The following ZFPM2 variants were observed in gnomAD, a reference collection of about 807,000 sequenced individuals.
ZFPM2 encodes zinc finger protein, FOG family member 2, also known as zinc finger protein ZFPM2.
In ZFPM2, 20 loss-of-function variants were observed where a neutral mutation model predicts 98.6. The observed-to-expected ratio is 0.20, with a 90% confidence interval of 0.14 to 0.29. The LOEUF (loss-of-function observed/expected upper bound fraction) is 0.29. Among genes scored for constraint, ZFPM2 ranks in the 10% least tolerant of loss-of-function variants. The pLI is 1.00. For missense variants in ZFPM2, 1,310 were observed against 1,388.6 expected, an observed-to-expected ratio of 0.94 and a Z score of 0.90; for synonymous variants, 518 against 502.7, an observed-to-expected ratio of 1.03 and a Z score of -0.41.
intron 1 of ZFPM2, among the ~76,000 whole-genome samples, chr8:105,353,744 C>T (rs1298037968): frequency 2.6e-5 from 4 of 152,246 alleles, no homozygotes; most frequent in African/African-American, 7.2e-5. Flanking sequence ...TTCATATTAA[C>T]GTTTATCATT....
At chr8:105,500,353 A>G (rs1255747251) in intron 3 of ZFPM2, among the ~76,000 whole-genome samples, 1 of 152,180 alleles carries the variant, frequency 6.6e-6, no homozygotes, top group East Asian at 1.9e-4. Flanking sequence ...TAAACAGAAT[A>G]GTTGAATGTC....
At chr8:105,376,909 T>C (rs996485294) in intron 1 of ZFPM2, among the ~76,000 whole-genome samples, 13 of 152,228 alleles carry the variant, frequency 8.5e-5, no homozygotes, top group Non-Finnish European at 1.3e-4. Flanking sequence ...CTTAAAACTT[T>C]TCAATTGCTT....
intron 3 of ZFPM2, among the ~76,000 whole-genome samples, chr8:105,460,498 C>T (rs1025939897): frequency 1.3e-5 from 2 of 152,090 alleles, no homozygotes; most frequent in African/African-American, 4.8e-5. Context: ...AAAGGCATTC[C>T]AGCATCGCAG....
At chr8:105,438,465 T>A (rs1812168706) in intron 2 of ZFPM2, among the ~76,000 whole-genome samples, 1 of 152,238 alleles carries the variant, frequency 6.6e-6, no homozygotes, top group Admixed American at 6.5e-5. Flanking sequence ...CTGGATCATT[T>A]TCTTTAAGTT....
rs767499107 is a variant in ZFPM2, at chr8:105,318,929, A to C, written c.-13A>C. ...GCACCGCGGGAGCCCCAGCGGCAGC[A>C]GCCGCCGCCGAGATGTCCCGGCGAA... is the stretch of plus-strand genomic sequence containing the variant. On this transcript the variant is annotated 5_prime_UTR_variant, in exon 1 of 8. Coordinates refer to ENST00000407775, the MANE Select transcript of ZFPM2 (RefSeq NM_012082.4). 14 of 1,422,526 alleles carry C rather than the reference A, an allele frequency of 9.8e-6. No homozygotes were observed. In the South Asian group the frequency reaches 1.4e-4, roughly 14 times the overall value. The allele number at this position is 1,422,526 out of a possible 1,614,324, so 88.1% of individuals were successfully genotyped here.
intron 1 of ZFPM2, among the ~76,000 whole-genome samples, chr8:105,351,383 T>TGTGTGTTTG (rs1341418183): frequency 2.4e-4 from 18 of 74,598 alleles, no homozygotes; most frequent in African/African-American, 6.7e-4. Context: ...GTGTGTGTGT[T>TGTGTGTTTG]TGTGTGTGTG....
intron 1 of ZFPM2, among the ~76,000 whole-genome samples, chr8:105,380,703 TAA>T (rs1491319792): frequency 4.2e-5 from 1 of 23,706 alleles, no homozygotes; most frequent in Non-Finnish European, 6.6e-5. Flanking sequence ...ATAACATATA[TAA>T]TATATATATA....
At chr8:105,616,960 G>A (rs1816428909) in intron 4 of ZFPM2, among the ~76,000 whole-genome samples, 1 of 138,372 alleles carries the variant, frequency 7.2e-6, no homozygotes, top group Non-Finnish European at 1.5e-5. Flanking sequence ...GGAGGTGGTA[G>A]TGAGCAAGAT....
chr8:105,508,988 A>G (rs1417671977), intron 3 of ZFPM2, among the ~76,000 whole-genome samples: 3 of 152,148 alleles, frequency 2.0e-5, no homozygotes, highest in Non-Finnish European at 4.4e-5. Flanking sequence ...CCCCATTTAC[A>G]TTGAAATCAC....
At chr8:105,677,547 A>C (rs1391847226) in intron 5 of ZFPM2, among the ~76,000 whole-genome samples, 1 of 151,996 alleles carries the variant, frequency 6.6e-6, no homozygotes, top group African/African-American at 2.4e-5. Flanking sequence ...TGAAAACACC[A>C]TGAATTCCAT....
chr8:105,403,072 G>T, intron 1 of ZFPM2, among the ~76,000 whole-genome samples: 1 of 151,918 alleles, frequency 6.6e-6, no homozygotes. Context: ...TAGACTGGGG[G>T]ATAGAAAGAT....
rs1259752590 is a variant in ZFPM2 at position 105,318,487 on chromosome 8, C to T, written c.-455C>T. On this transcript the variant is annotated 5_prime_UTR_variant, in exon 1 of 8. Transcript: ENST00000407775. The stretch of plus-strand genomic sequence containing the variant: ...GCGGCGGCGGCGGCGCCGGAGTATC[C>T]GTCCCGCACGCCGGGGCGAGGGGCG... Among the ~76,000 whole-genome samples, 3 of 149,848 alleles carry T rather than the reference C, an allele frequency of 2.0e-5. No individual in the cohort carries two copies. The highest frequency in any genetic ancestry group is 2.1e-4 in the South Asian group (1 of 4,762).
intron 4 of ZFPM2, among the ~76,000 whole-genome samples, chr8:105,611,878 T>C (rs1816315106): frequency 6.6e-6 from 1 of 151,752 alleles, no homozygotes; most frequent in Admixed American, 6.6e-5. Flanking sequence ...TTTTGTATTT[T>C]TTAGAGATGG....
intron 1 of ZFPM2, among the ~76,000 whole-genome samples, chr8:105,408,846 C>CG (rs151257433): frequency 6.8e-4 from 104 of 151,930 alleles, no homozygotes; most frequent in African/African-American, 2.4e-3. Flanking sequence ...AGATTTCTAT[C>CG]GTTGCCCTCA....
At chr8:105,787,335 AT>A (rs1813442442) in intron 5 of ZFPM2, 1 of 152,172 alleles carries the variant, frequency 6.6e-6, no homozygotes, top group African/African-American at 2.4e-5. Flanking sequence ...CTTTTCTAGC[AT>A]TTTAGTGTAT....
intron 5 of ZFPM2, among the ~76,000 whole-genome samples, chr8:105,734,990 A>G (rs528365280): frequency 1.3e-5 from 2 of 150,416 alleles, no homozygotes; most frequent in East Asian, 2.0e-4. Flanking sequence ...AAATTTATAT[A>G]TACTTCATTA....
intron 5 of ZFPM2, among the ~76,000 whole-genome samples, chr8:105,705,001 A>G (rs147835428): frequency 1.0e-3 from 156 of 152,298 alleles, no homozygotes; most frequent in Non-Finnish European, 1.7e-3. Flanking sequence ...ACAGGATCAA[A>G]TGATCATGGA....
chr8:105,485,643 G>A (rs1405133626), intron 3 of ZFPM2, among the ~76,000 whole-genome samples: 4 of 152,198 alleles, frequency 2.6e-5, no homozygotes, highest in African/African-American at 9.7e-5. Context: ...GGCAGGAGAA[G>A]CAGAGACTGA....
intron 2 of ZFPM2, among the ~76,000 whole-genome samples, chr8:105,423,853 G>T: frequency 6.6e-6 from 1 of 152,210 alleles, no homozygotes; most frequent in East Asian, 1.9e-4. Flanking sequence ...TGGGATTGGC[G>T]TGGAGCAGTT....
Sources: gnomAD v4.1 joint callset for allele counts (sites outside exome capture counted in the v4.1 genomes callset) on GRCh38, gnomAD v4.1.1 for gene constraint, MANE v1.5 for transcripts, NCBI Gene and HGNC (gene_info 2026-07-23, HGNC 2026-07-21) for gene names.